Variants in FBXL17 observed in about 807,000 individuals in gnomAD.
The protein encoded by FBXL17 is F-box/LRR-repeat protein 17.
In FBXL17, 22 loss-of-function variants were observed where a neutral mutation model predicts 66.2. The observed-to-expected ratio is 0.33, with a 90% CI of 0.24 to 0.47. The LOEUF is 0.47. Ranked by LOEUF, FBXL17 falls within the 20% of genes least tolerant of loss-of-function variation. FBXL17 has a pLI of 1.00. For missense variants in FBXL17, 878 were observed against 948.2 expected, an observed-to-expected ratio of 0.93 and a Z score of 0.97; for synonymous variants, 474 against 400.5, an observed-to-expected ratio of 1.18 and a Z score of -2.19.
intron 7 of FBXL17, among the ~76,000 whole-genome samples, chr5:107,906,006 T>C (rs1399788130): frequency 6.6e-6 from 1 of 151,500 alleles, no homozygotes; most frequent in Non-Finnish European, 1.5e-5. Flanking sequence ...AATCTAATAT[T>C]ATGCCCAAAG....
chr5:108,179,815 T>C (rs917154924), intron 6 of FBXL17, among the ~76,000 whole-genome samples: 5 of 152,206 alleles, frequency 3.3e-5, no homozygotes, highest in African/African-American at 1.2e-4. Context: ...ACTAATGAAC[T>C]ATTATTTTTT....
At chr5:108,337,121 T>C (rs2150249660) in intron 4 of FBXL17, among the ~76,000 whole-genome samples, 1 of 152,016 alleles carries the variant, frequency 6.6e-6, no homozygotes, top group East Asian at 1.9e-4. Flanking sequence ...CTGGGCGTGG[T>C]GGTGCACGCC....
chr5:107,907,921 T>C (rs1365636492), intron 7 of FBXL17, among the ~76,000 whole-genome samples: 1 of 152,186 alleles, frequency 6.6e-6, no homozygotes, highest in Non-Finnish European at 1.5e-5. Flanking sequence ...GAAATACCAT[T>C]TGACCCAGCC....
chr5:107,915,338 T>C (rs538193307), intron 7 of FBXL17, among the ~76,000 whole-genome samples: 3 of 152,318 alleles, frequency 2.0e-5, no homozygotes, highest in South Asian at 4.1e-4. Flanking sequence ...TTAATGTTGA[T>C]TTGTATTCAA....
At chr5:108,159,441 G>A (rs977061416) in intron 6 of FBXL17, among the ~76,000 whole-genome samples, 1 of 152,100 alleles carries the variant, frequency 6.6e-6, no homozygotes, top group South Asian at 2.1e-4. Context: ...TGGGAGATGG[G>A]GCCTTTGGGA....
At chr5:107,941,331 T>G (rs972636167) in intron 7 of FBXL17, among the ~76,000 whole-genome samples, 3 of 152,188 alleles carry the variant, frequency 2.0e-5, no homozygotes, top group Non-Finnish European at 4.4e-5. Flanking sequence ...TGGGCAACAA[T>G]AGTTAAAAGT....
At chr5:108,361,569 G>A (rs1748339842) in intron 3 of FBXL17, among the ~76,000 whole-genome samples, 1 of 152,012 alleles carries the variant, frequency 6.6e-6, no homozygotes. Flanking sequence ...TATACACTGA[G>A]GCTGATTGTC....
At chr5:108,316,786 G>T (rs35053804) in intron 4 of FBXL17, among the ~76,000 whole-genome samples, 44,895 of 150,286 alleles carry the variant, frequency 0.3, 7,000 homozygotes, top group Middle Eastern at 0.38. Flanking sequence ...TAATATATAT[G>T]GGAAATTATA....
intron 6 of FBXL17, among the ~76,000 whole-genome samples, chr5:108,104,101 T>A (rs946382896): frequency 2.0e-5 from 3 of 152,154 alleles, no homozygotes; most frequent in Non-Finnish European, 2.9e-5. Flanking sequence ...AGTGGCGCGA[T>A]CTTGGCTCAC....
intron 4 of FBXL17, among the ~76,000 whole-genome samples, chr5:108,305,545 A>G (rs1758797745): frequency 2.0e-5 from 3 of 152,088 alleles, no homozygotes; most frequent in Admixed American, 1.3e-4. Flanking sequence ...GACACTGTCA[A>G]CTATACTAAA....
In FBXL17 at chr5:107,937,293, C is replaced by T. The variant is rs555315613; in HGVS notation, c.1823-56114G>A. Among the ~76,000 whole-genome samples the T allele has an allele frequency of 9.2e-5, 14 of 152,150 alleles. No homozygotes were observed. In the South Asian group the frequency reaches 2.9e-3, roughly 32 times the overall value. ...GGTGAAGCAGGGATGCAAATCAGCC[C>T]GATCTTATTCAATCTATTGTGTGAG... On this transcript the variant is annotated intron_variant, in intron 7 of 8. Coordinates refer to ENST00000542267, the MANE Select transcript of FBXL17 (RefSeq NM_001163315.3).
chr5:108,168,194 T>C (rs1752480671), intron 6 of FBXL17, among the ~76,000 whole-genome samples: 1 of 152,156 alleles, frequency 6.6e-6, no homozygotes, highest in Non-Finnish European at 1.5e-5. Flanking sequence ...AAGTTGTTGA[T>C]TTTCCCACTT....
intron 6 of FBXL17, among the ~76,000 whole-genome samples, chr5:108,110,060 G>A (rs1749971068): frequency 6.6e-6 from 1 of 152,010 alleles, no homozygotes; most frequent in Admixed American, 6.6e-5. Flanking sequence ...TAAGATCATA[G>A]CCTATTGGTA....
chr5:108,231,657 T>C (rs1755346097), intron 4 of FBXL17, among the ~76,000 whole-genome samples: 1 of 151,500 alleles, frequency 6.6e-6, no homozygotes, highest in African/African-American at 2.4e-5. Context: ...AAACAGGAAG[T>C]TAAAATTGCC....
intron 7 of FBXL17, among the ~76,000 whole-genome samples, chr5:108,012,158 C>T (rs759061192): frequency 6.6e-6 from 1 of 152,076 alleles, no homozygotes. Flanking sequence ...CCTCAGCTTC[C>T]TCATCTATTG....
chr5:108,010,277 C>A (rs143771216), intron 7 of FBXL17, among the ~76,000 whole-genome samples: 1 of 152,122 alleles, frequency 6.6e-6, no homozygotes, highest in Non-Finnish European at 1.5e-5. Flanking sequence ...ATATTTGAGA[C>A]AAACAAAATC....
intron 5 of FBXL17, among the ~76,000 whole-genome samples, chr5:108,222,392 G>T (rs1321819540): frequency 6.6e-6 from 1 of 152,148 alleles, no homozygotes; most frequent in Admixed American, 6.5e-5. Flanking sequence ...CATCTACCAA[G>T]ATGTTCAGGC....
intron 6 of FBXL17, among the ~76,000 whole-genome samples, chr5:108,173,337 A>C (rs1752677178): frequency 6.6e-6 from 1 of 152,190 alleles, no homozygotes; most frequent in Admixed American, 6.5e-5. Flanking sequence ...AGCATGGCAC[A>C]TGTATACATA....
At chr5:108,259,889 T>C (rs1756737326) in intron 4 of FBXL17, among the ~76,000 whole-genome samples, 1 of 152,108 alleles carries the variant, frequency 6.6e-6, no homozygotes. Context: ...TAAGTTGAAA[T>C]GTGCAGTTAT....
Sources: allele counts gnomAD v4.1 joint callset (sites outside exome capture counted in the v4.1 genomes callset), GRCh38; gene constraint gnomAD v4.1.1; transcripts MANE v1.5; gene names NCBI Gene and HGNC (gene_info 2026-07-23, HGNC 2026-07-21).